Variants in PTPRE observed in about 807,000 individuals in gnomAD.
PTPRE encodes the protein receptor-type tyrosine-protein phosphatase epsilon.
In PTPRE, 51 loss-of-function variants were observed where a neutral mutation model predicts 102.0. The observed-to-expected ratio is 0.50, with a 90% CI of 0.40 to 0.63. The LOEUF (loss-of-function observed/expected upper bound fraction) is 0.63, where lower values mean the gene tolerates loss of function less well. Among genes scored for constraint, PTPRE ranks in the 30% least tolerant of loss-of-function variants. The probability of loss-of-function intolerance (pLI) is 0.00; values close to 1 mark genes in which losing one functional copy is unlikely to be tolerated. For synonymous variants in PTPRE, 345 were observed against 348.2 expected (o/e 0.99, Z 0.10); for missense variants, 752 against 915.1 (o/e 0.82, Z 2.30).
chr10:128,004,791 T>C (rs1854349242), intron 2 of PTPRE, among the ~76,000 whole-genome samples: 1 of 152,216 alleles, frequency 6.6e-6, no homozygotes, highest in Non-Finnish European at 1.5e-5. Context: ...CATTTTATGG[T>C]TAAATTTTGA....
chr10:128,040,925 C>CGCTCGCCAGG lies in PTPRE; in HGVS notation c.49_58dup (p.Leu20ArgfsTer136). 2 of 1,614,028 alleles carry CGCTCGCCAGG rather than the reference C, an allele frequency of 1.2e-6. No individual in the cohort carries two copies. Among genetic ancestry groups the CGCTCGCCAGG allele is most frequent in the Non-Finnish European group, 1.7e-6 (2 of 1,179,998 alleles). On this transcript the variant is annotated frameshift_variant, in exon 3 of 21. Coordinates refer to ENST00000254667, the MANE Select transcript of PTPRE (RefSeq NM_006504.6). LOFTEE classifies it high-confidence loss of function. Reference sequence around the variant, plus strand: ...CTCCTGCTGGTGGGTTTTAGCTTGCCGCTCGCCAGGGCTCTCAGGGGCAAC... The same window carrying CGCTCGCCAGG: ...CTCCTGCTGGTGGGTTTTAGCTTGCCGCTCGCCAGGGCTCGCCAGGGCTCTCAGGGGCAAC...
intron 1 of PTPRE, among the ~76,000 whole-genome samples, chr10:127,929,220 A>G (rs1373079580): frequency 1.3e-5 from 2 of 152,240 alleles, no homozygotes; most frequent in African/African-American, 4.8e-5. Flanking sequence ...TTATGTAATT[A>G]GGTTCAGTCA....
chr10:127,986,043 A>G (rs960435259), intron 2 of PTPRE, among the ~76,000 whole-genome samples: 3 of 152,158 alleles, frequency 2.0e-5, no homozygotes, highest in Non-Finnish European at 4.4e-5. Flanking sequence ...GCGAGCCAAG[A>G]TCACACCACT....
Position 128,071,728 on chromosome 10 carries a change from C to T in PTPRE, c.1388-410C>T, listed in dbSNP as rs118174293. On this transcript the variant is annotated intron_variant, in intron 15 of 20. Coordinates refer to ENST00000254667, the MANE Select transcript of PTPRE (RefSeq NM_006504.6). ...AGCAGGCCTGCTGCAGCAGGGTCTC[C>T]CCGAGCACTGCAGGCGAGTAGAGCT... 8 of 170,344 alleles carry T rather than the reference C, an allele frequency of 4.7e-5. No individual in the cohort carries two copies. In the East Asian group the frequency reaches 1.4e-3, roughly 30 times the overall value. 10.6% of individuals were successfully genotyped at this position (170,344 alleles called of 1,614,324 possible). A position where few individuals can be genotyped will look rare whatever the true frequency, so the allele number is the denominator to read the frequency against.
chr10:128,078,865 G>C (rs1485269584), intron 19 of PTPRE, among the ~76,000 whole-genome samples: 4 of 152,338 alleles, frequency 2.6e-5, no homozygotes, highest in Middle Eastern at 3.4e-3. Context: ...CCACATGTGA[G>C]ATTATGGAGC....
At chr10:128,052,169 C>T (rs965887874) in intron 6 of PTPRE, among the ~76,000 whole-genome samples, 2 of 152,234 alleles carry the variant, frequency 1.3e-5, no homozygotes, top group South Asian at 4.1e-4. Flanking sequence ...CTGGAGCCTG[C>T]CATGGCCAGC....
At chr10:128,057,399 A>C (rs2135919677) in intron 7 of PTPRE, among the ~76,000 whole-genome samples, 1 of 152,194 alleles carries the variant, frequency 6.6e-6, no homozygotes, top group East Asian at 1.9e-4. Flanking sequence ...CCACAAAGGG[A>C]GTCCATCCCA....
Position 128,025,158 on chromosome 10 carries a change from CAAAA to C in PTPRE, c.-7-15697_-7-15694del, listed in dbSNP as rs71472683. Among the ~76,000 whole-genome samples the C allele has an allele frequency of 7.6e-5, 5 of 65,788 alleles. No homozygotes were observed. The East Asian group carries it at 1.4e-3, about 18-fold the overall frequency. The allele number at this position is 65,788 out of a possible 152,430, so 43.2% of individuals were successfully genotyped here. ...TGGGTGACAGAATGAGATCCTGTCT[CAAAA>C]AAAAAAAAAAAAAAAAAAAGAACAG... On this transcript the variant is annotated intron_variant, in intron 2 of 20. Transcript: ENST00000254667.
intron 2 of PTPRE, among the ~76,000 whole-genome samples, chr10:127,984,754 T>C (rs1589907351): frequency 6.6e-6 from 1 of 152,350 alleles, no homozygotes; most frequent in East Asian, 1.9e-4. Flanking sequence ...CATTCTCTTC[T>C]CTTGTCTGTG....
intron 2 of PTPRE, among the ~76,000 whole-genome samples, chr10:128,031,225 G>A (rs11016022): frequency 0.18 from 27,677 of 152,290 alleles, 2,830 homozygotes; most frequent in East Asian, 0.36. Context: ...CCTACCCACA[G>A]AAGTTTAGTC....
chr10:127,955,748 G>A (rs1849354048), intron 1 of PTPRE, among the ~76,000 whole-genome samples: 1 of 152,236 alleles, frequency 6.6e-6, no homozygotes, highest in Admixed American at 6.5e-5. Context: ...ATGAAGAAAA[G>A]AGGTTTAATT....
At position 128,055,298 on chromosome 10, in the gene PTPRE, A is replaced by T. The variant is rs1027044562; in HGVS notation, c.421-825A>T. The stretch of plus-strand genomic sequence containing the variant: ...CAGGAGACAGCTGGAGATGACCAGG[A>T]ATCAGAGATGGCGGCTGCAGGCGGC... On this transcript the variant is annotated intron_variant, in intron 6 of 20. Coordinates refer to ENST00000254667, the MANE Select transcript of PTPRE (RefSeq NM_006504.6). Among the ~76,000 whole-genome samples the T allele has an allele frequency of 3.3e-5, 5 of 152,340 alleles. No individual in the cohort carries two copies. The South Asian group carries it at 1.0e-3, about 32-fold the overall frequency.
intron 6 of PTPRE, among the ~76,000 whole-genome samples, chr10:128,055,380 G>A (rs1030115191): frequency 6.6e-6 from 1 of 152,154 alleles, no homozygotes; most frequent in Non-Finnish European, 1.5e-5. Flanking sequence ...TGCTCAGAGG[G>A]GATAGGGGCC....
At chr10:127,934,001 T>A (rs1030180326) in intron 1 of PTPRE, 7 of 131,754 alleles carry the variant, frequency 5.3e-5, no homozygotes, top group Non-Finnish European at 9.6e-5. Context: ...ACATACATTA[T>A]CCCCCTTCCC....
intron 3 of PTPRE, among the ~76,000 whole-genome samples, chr10:128,043,247 G>A (rs555438581): frequency 1.3e-5 from 2 of 152,196 alleles, no homozygotes; most frequent in Non-Finnish European, 2.9e-5. Context: ...TCACCATCAT[G>A]TAGAATCAGT....
intron 1 of PTPRE, among the ~76,000 whole-genome samples, chr10:127,921,477 G>A (rs1469631729): frequency 1.3e-5 from 2 of 152,220 alleles, no homozygotes; most frequent in Non-Finnish European, 2.9e-5. Flanking sequence ...TCAGATGGAA[G>A]GCCGGGGTAG....
intron 3 of PTPRE, among the ~76,000 whole-genome samples, chr10:128,042,185 C>T (rs1312586367): frequency 1.3e-5 from 2 of 152,136 alleles, no homozygotes; most frequent in Non-Finnish European, 2.9e-5. Flanking sequence ...CAACGCTAAT[C>T]GACTGGCCAC....
chr10:127,927,036 T>C (rs1847074151), intron 1 of PTPRE, among the ~76,000 whole-genome samples: 1 of 151,904 alleles, frequency 6.6e-6, no homozygotes, highest in Non-Finnish European at 1.5e-5. Context: ...AGTCTCGAAC[T>C]CCTGACCTCA....
intron 20 of PTPRE, among the ~76,000 whole-genome samples, chr10:128,080,750 C>A (rs1454790154): frequency 1.3e-5 from 2 of 152,196 alleles, no homozygotes; most frequent in African/African-American, 4.8e-5. Flanking sequence ...GCTCTCTTGC[C>A]TGGTAACAGC....
Sources: allele counts gnomAD v4.1 joint callset (sites outside exome capture counted in the v4.1 genomes callset), GRCh38; gene constraint gnomAD v4.1.1; transcripts MANE v1.5; gene names NCBI Gene and HGNC (gene_info 2026-07-23, HGNC 2026-07-21).